Variants in CR1L observed in about 807,000 individuals in gnomAD.
CR1L encodes the protein complement component receptor 1-like protein.
In CR1L, 59 loss-of-function variants were observed where a neutral mutation model predicts 62.3. That is an observed-to-expected ratio of 0.95 (90% confidence interval 0.77 to 1.18). CR1L has a LOEUF of 1.18. CR1L is among the 50% of genes most tolerant of loss of function. The pLI is 0.00. For synonymous variants in CR1L, 279 were observed against 248.7 expected, an observed-to-expected ratio of 1.12 and a Z score of -1.15; for missense variants, 700 against 702.8, an observed-to-expected ratio of 1.00 and a Z score of 0.04.
At chr1:207,646,475 C>T (rs896791897) in intron 1 of CR1L, among the ~76,000 whole-genome samples, 12 of 151,978 alleles carry the variant, frequency 7.9e-5, no homozygotes, top group Middle Eastern at 3.2e-3. Flanking sequence ...CTTTGGGAGG[C>T]CCAAGTTGGG....
intron 10 of CR1L, among the ~76,000 whole-genome samples, chr1:207,716,521 G>T (rs1229997340): frequency 6.6e-6 from 1 of 151,988 alleles, no homozygotes; most frequent in East Asian, 1.9e-4. Context: ...TTTCTTATTG[G>T]AAAATGTTTA....
rs572948014 is a variant in CR1L, at chr1:207,677,620, C to G, written c.277+52C>G. 7 of 1,574,216 alleles carry G rather than the reference C, an allele frequency of 4.4e-6. No homozygotes were observed. The Admixed American group carries it at 1.3e-4, about 29-fold the overall frequency. ...TCTGTTAGTCAAACATCTGTAAGAT[C>G]TGATTCAATTTGTTCAAATTTTGTA... On this transcript the variant is annotated intron_variant, in intron 2 of 11. Coordinates refer to ENST00000508064, the MANE Select transcript of CR1L (RefSeq NM_175710.2).
At chr1:207,684,103 G>T in intron 4 of CR1L, 146 bp downstream of exon 4, 1 of 637,512 alleles carries the variant, frequency 1.6e-6, no homozygotes, top group Non-Finnish European at 2.4e-6. Flanking sequence ...TATTCCTATG[G>T]GGTTCCTGGC....
intron 1 of CR1L, among the ~76,000 whole-genome samples, chr1:207,659,988 C>A (rs1266224204): frequency 6.6e-6 from 1 of 152,096 alleles, no homozygotes; most frequent in Non-Finnish European, 1.5e-5. Flanking sequence ...CTGGGCGGTT[C>A]TATGCTCACA....
intron 1 of CR1L, among the ~76,000 whole-genome samples, chr1:207,664,396 C>T (rs967924306): frequency 3.3e-5 from 5 of 152,118 alleles, no homozygotes; most frequent in South Asian, 2.1e-4. Flanking sequence ...GAATTATGCA[C>T]GTTAACATAG....
chr1:207,645,282 C>T lies in CR1L; in HGVS notation c.49C>T (p.Pro17Ser), dbSNP rs762784714. 5 of 1,613,950 alleles carry T rather than the reference C, an allele frequency of 3.1e-6. No individual in the cohort carries two copies. The Admixed American group carries it at 5.0e-5, about 16-fold the overall frequency. Residue 17 changes from proline (P) to serine (S), a missense_variant, in exon 1 of 12, where the codon CCT becomes TCT. Coordinates refer to ENST00000508064, the MANE Select transcript of CR1L (RefSeq NM_175710.2). ...GCGTCCCTTTCCTTCCCGGCGCTTT[C>T]CTGGGTTGCTTCTGGCGGCCCTGGT... is the stretch of plus-strand genomic sequence containing the variant. ...LERPFPSRRF[P>S]GLLLAALVLL...
chr1:207,700,391 A>G (rs1015927001), intron 8 of CR1L, among the ~76,000 whole-genome samples: 2 of 152,166 alleles, frequency 1.3e-5, no homozygotes, highest in African/African-American at 4.8e-5. Flanking sequence ...TATTTTTCAT[A>G]ACTCTGGTAG....
chr1:207,723,636 TA>T lies in CR1L; in HGVS notation c.1662del (p.Ile554MetfsTer?). On this transcript the variant is annotated frameshift_variant, in exon 12 of 12. Transcript: ENST00000508064. LOFTEE classifies it high-confidence loss of function. ...CTTTTAGGTTCACATGATGCTCTTA[TA>T]GTTGGTAAGTTTTATGAAGTGTTTG... The part of the protein sequence containing the change: ...PVGAGSHDAL[I>X]VGKFYEVFAE... 2 of 1,597,428 alleles carry T rather than the reference TA, an allele frequency of 1.3e-6. No homozygotes were observed. Among genetic ancestry groups the T allele is most frequent in the Non-Finnish European group, 1.7e-6 (2 of 1,170,512 alleles).
At chr1:207,708,433 C>G (rs1468912319) in intron 10 of CR1L, among the ~76,000 whole-genome samples, 170 bp downstream of exon 10, 7 of 152,228 alleles carry the variant, frequency 4.6e-5, no homozygotes, top group East Asian at 1.9e-4. Context: ...TCCACCTTCA[C>G]CTAGAAATGC....
intron 1 of CR1L, among the ~76,000 whole-genome samples, chr1:207,676,901 C>A (rs1174002561): frequency 6.6e-6 from 1 of 152,150 alleles, no homozygotes; most frequent in Non-Finnish European, 1.5e-5. Context: ...AGTGACCCAC[C>A]CACCTTGGTC....
At chr1:207,647,185 A>C (rs1479160554) in intron 1 of CR1L, among the ~76,000 whole-genome samples, 4 of 152,212 alleles carry the variant, frequency 2.6e-5, no homozygotes, top group Non-Finnish European at 5.9e-5. Flanking sequence ...TAACCAGGGA[A>C]GTGTTCTGGA....
intron 9 of CR1L, among the ~76,000 whole-genome samples, chr1:207,704,034 T>C (rs1342085297): frequency 1.3e-5 from 2 of 152,330 alleles, no homozygotes; most frequent in South Asian, 2.1e-4. Flanking sequence ...ATTCCTCTGA[T>C]GGATCTGAAC....
In CR1L at chr1:207,697,784, T is replaced by C. The variant is rs371549470; in HGVS notation, c.1053T>C (p.Asp351=). 4 of 1,613,984 alleles carry C rather than the reference T, an allele frequency of 2.5e-6. No individual in the cohort carries two copies. The African/African-American group carries it at 4.0e-5, about 16-fold the overall frequency. The change falls in exon 7 of 12, where the codon GAT becomes GAC. Residue 351 remains aspartate, a synonymous_variant. Transcript: ENST00000508064. The stretch of plus-strand genomic sequence containing the variant: ...CTTTTTTTCCAGTGAAATCCTGTGA[T>C]GACTTCCTGGGCCAACTTCCTAATG... ...AAPRCEVKSC[D]DFLGQLPNGH...
At chr1:207,700,614 G>C (rs1334540857) in intron 8 of CR1L, among the ~76,000 whole-genome samples, 1 of 152,210 alleles carries the variant, frequency 6.6e-6, no homozygotes, top group Non-Finnish European at 1.5e-5. Flanking sequence ...ATAATGGCCT[G>C]AATATGTTTC....
At chr1:207,691,293 T>A (rs1358219470) in intron 4 of CR1L, among the ~76,000 whole-genome samples, 10 of 152,090 alleles carry the variant, frequency 6.6e-5, no homozygotes, top group Non-Finnish European at 1.3e-4. Flanking sequence ...ACTTTGTACA[T>A]TAATATAGCT....
At position 207,692,421 on chromosome 1, in the gene CR1L, G is replaced by T. The variant is rs1216148309; in HGVS notation, c.464-1932G>T. Among the ~76,000 whole-genome samples, 19 of 152,172 alleles carry T rather than the reference G, an allele frequency of 1.2e-4. 1 individual carries two copies. The East Asian group carries it at 3.7e-3, about 29-fold the overall frequency. On this transcript the variant is annotated intron_variant, in intron 4 of 11. Transcript: ENST00000508064. Reference sequence around the variant, plus strand: ...TAGTTCTGTACCTCCTCCCAATTTTGCAACGTGGTCGAGCCAGATATCTGC... The same window carrying T: ...TAGTTCTGTACCTCCTCCCAATTTTTCAACGTGGTCGAGCCAGATATCTGC...
intron 10 of CR1L, among the ~76,000 whole-genome samples, chr1:207,714,238 G>T (rs1258009096): frequency 6.6e-6 from 1 of 152,186 alleles, no homozygotes; most frequent in African/African-American, 2.4e-5. Context: ...ACTCAGAATT[G>T]GAAGTGTGTG....
At chr1:207,691,600 G>T (rs1029845699) in intron 4 of CR1L, among the ~76,000 whole-genome samples, 6 of 151,636 alleles carry the variant, frequency 4.0e-5, no homozygotes, top group Non-Finnish European at 8.8e-5. Context: ...TCACATTTTT[G>T]AATTCATCAA....
intron 1 of CR1L, among the ~76,000 whole-genome samples, chr1:207,662,892 TG>T (rs1663447660): frequency 6.6e-6 from 1 of 152,198 alleles, no homozygotes; most frequent in Non-Finnish European, 1.5e-5. Context: ...GCAGGTCTGT[TG>T]GAGTTTGCTG....
Sources: gnomAD v4.1 joint callset for allele counts (sites outside exome capture counted in the v4.1 genomes callset) on GRCh38, gnomAD v4.1.1 for gene constraint, MANE v1.5 for transcripts, NCBI Gene and HGNC (gene_info 2026-07-23, HGNC 2026-07-21) for gene names.